Variants in MADD observed in about 807,000 individuals in gnomAD.
The protein encoded by MADD is MAP kinase-activating death domain protein.
Under a neutral mutation model 176.7 loss-of-function variants are expected in MADD, and 109 were observed. The ratio of observed to expected loss-of-function variants is 0.62; its 90% CI spans 0.53 to 0.72. MADD has a LOEUF of 0.72. Among genes scored for constraint, MADD ranks in the 30% least tolerant of loss-of-function variants. The pLI is 0.00. For missense variants in MADD, 1,914 were observed against 2,045.5 expected (o/e 0.94, Z 1.24); for synonymous variants, 771 against 771.3 (o/e 1.00, Z 0.01).
At chr11:47,305,603 G>A (rs2082018066) in intron 22 of MADD, among the ~76,000 whole-genome samples, 1 of 152,096 alleles carries the variant, frequency 6.6e-6, no homozygotes, top group Non-Finnish European at 1.5e-5. Flanking sequence ...ACTCCAGGAT[G>A]GTGGGGCTTG....
intron 23 of MADD, 99 bp from the exon 27 acceptor site, chr11:47,309,182 A>G: frequency 6.4e-7 from 1 of 1,556,846 alleles, no homozygotes; most frequent in Non-Finnish European, 8.7e-7. Context: ...TGGAATTTGT[A>G]ATTATTCCCT....
rs145595710 is a variant in MADD at position 47,308,314 on chromosome 11, C to G, written c.3643-277C>G. 2.8e-3 allele frequency among the ~76,000 whole-genome samples: 427 copies of G among 152,272 alleles called. 3 individuals are homozygous for G. Among genetic ancestry groups the G allele is most frequent in the Admixed American group, 4.2e-3 (64 of 15,302 alleles). ...CTTTCTGCTGTGTTATGTTGCTACA[C>G]AGAGAATTAATCTGATTGTTGTTTT... is the stretch of plus-strand genomic sequence containing the variant. On this transcript the variant is annotated intron_variant, in intron 22 of 32. Coordinates refer to ENST00000402192, the Ensembl canonical transcript of MADD.
At chr11:47,316,797 G>A (rs936766428) in intron 27 of MADD, among the ~76,000 whole-genome samples, 3 of 151,968 alleles carry the variant, frequency 2.0e-5, no homozygotes, top group African/African-American at 7.3e-5. Flanking sequence ...AGGCTGGAGT[G>A]CAGTGGTCCA....
At chr11:47,318,276 T>TCCC (rs1175382116) in intron 27 of MADD, among the ~76,000 whole-genome samples, 1 of 152,228 alleles carries the variant, frequency 6.6e-6, no homozygotes, top group African/African-American at 2.4e-5. Flanking sequence ...TTGCCTATGT[T>TCCC]ATCTGTTCCC....
intron 3 of MADD, 103 bp from the exon 4 acceptor site, chr11:47,275,796 C>A: frequency 8.8e-7 from 1 of 1,134,888 alleles, no homozygotes; most frequent in Non-Finnish European, 1.3e-6. Flanking sequence ...AATGATGCTC[C>A]GTTTCCCATT....
intron 31 of MADD, chr11:47,327,388 G>T (rs1455125950): frequency 3.0e-6 from 3 of 985,278 alleles, no homozygotes; most frequent in Non-Finnish European, 3.6e-6. Context: ...TGCTGTGTTT[G>T]TGCTTCATTC....
chr11:47,286,504 G>C, exon 15 of MADD: 1 of 1,614,076 alleles, frequency 6.2e-7, no homozygotes, highest in East Asian at 2.2e-5. Context: ...AGGTGCCCGA[G>C]AGAAGGCCAC....
chr11:47,310,589 A>G (rs905046321), intron 25 of MADD, among the ~76,000 whole-genome samples: 2 of 151,930 alleles, frequency 1.3e-5, no homozygotes, highest in Non-Finnish European at 2.9e-5. Context: ...TTTTTTTACA[A>G]TAGTAGATTT....
At chr11:47,282,768 T>A in intron 9 of MADD, 45 bp from the exon 10 acceptor site, 1 of 1,605,144 alleles carries the variant, frequency 6.2e-7, no homozygotes, top group Non-Finnish European at 8.5e-7. Flanking sequence ...TGCTTGCCTT[T>A]TTTTCCTTGC....
intron 10 of MADD, 25 bp from the exon 11 acceptor site, chr11:47,284,153 G>GT: frequency 6.5e-7 from 1 of 1,540,604 alleles, no homozygotes. Context: ...TGTTTTGTTT[G>GT]TTTTTTATGC....
At chr11:47,299,535 T>C (rs867022641) in intron 22 of MADD, among the ~76,000 whole-genome samples, 2 of 149,564 alleles carry the variant, frequency 1.3e-5, no homozygotes, top group Non-Finnish European at 1.5e-5. Context: ...ATCCTGCAAG[T>C]TTATTGAATT....
intron 22 of MADD, among the ~76,000 whole-genome samples, chr11:47,296,300 G>T (rs777310238): frequency 3.9e-5 from 6 of 152,146 alleles, no homozygotes; most frequent in Admixed American, 3.9e-4. Context: ...GCCCAGTCAC[G>T]TAAGGGCTTT....
exon 12 of MADD, chr11:47,284,484 T>A: frequency 1.2e-6 from 2 of 1,613,982 alleles, no homozygotes; most frequent in Non-Finnish European, 1.7e-6. Flanking sequence ...GTGAGAACTC[T>A]CAGGAAAACC....
chr11:47,278,894 TTATA>T (rs2136764215), intron 6 of MADD, 101 bp from the exon 7 acceptor site: 1 of 863,312 alleles, frequency 1.2e-6, no homozygotes, highest in African/African-American at 1.7e-5. Context: ...GTATATTCGT[TTATA>T]TAATAATAAT....
At chr11:47,328,263 TAG>T (rs1565602341) in intron 31 of MADD, 1 of 1,127,712 alleles carries the variant, frequency 8.9e-7, no homozygotes, top group Non-Finnish European at 1.1e-6. Flanking sequence ...GGACACAAGC[TAG>T]AGAGAGCTCT....
In MADD at chr11:47,329,274, G is replaced by C. The variant is rs374695178; in HGVS notation, c.*124G>C. The C allele has an allele frequency of 2.0e-5, 15 of 755,202 alleles. No individual in the cohort carries two copies. The South Asian group carries it at 2.1e-4, about 11-fold the overall frequency. The allele number at this position is 755,202 out of a possible 1,614,324, so 46.8% of individuals were successfully genotyped here. A position where few individuals can be genotyped will look rare whatever the true frequency, so the allele number is the denominator to read the frequency against. On this transcript the variant is annotated 3_prime_UTR_variant, in exon 33 of 33. Coordinates refer to ENST00000402192, the Ensembl canonical transcript of MADD. ...CTCGTGTGTCCTCTGCAAGCCCCCT[G>C]CTGTGGCTTGGTTGGTTACCGGTTA... is the stretch of plus-strand genomic sequence containing the variant.
At chr11:47,316,682 C>G (rs1181403255) in intron 27 of MADD, among the ~76,000 whole-genome samples, 2 of 152,130 alleles carry the variant, frequency 1.3e-5, no homozygotes, top group East Asian at 3.9e-4. Context: ...AGCCGGTGCA[C>G]CCGGCCTTCC....
chr11:47,296,025 T>C (rs1471533364), exon 22 of MADD: 1 of 1,614,034 alleles, frequency 6.2e-7, no homozygotes. Flanking sequence ...ATAGTGAAAT[T>C]GAGACCAACT....
At chr11:47,274,045 C>G (rs1244901450) in intron 2 of MADD, 69 bp downstream of exon 2, 2 of 1,388,968 alleles carry the variant, frequency 1.4e-6, no homozygotes, top group South Asian at 1.2e-5. Context: ...TTGTTCCCTT[C>G]TCCGATTTCC....
Sources: allele counts gnomAD v4.1 joint callset (sites outside exome capture counted in the v4.1 genomes callset), GRCh38; gene constraint gnomAD v4.1.1; transcripts MANE v1.5; gene names NCBI Gene and HGNC (gene_info 2026-07-23, HGNC 2026-07-21).